The following IQANK1 variants were observed in gnomAD, a reference collection of about 807,000 sequenced individuals.
IQANK1 encodes IQ motif and ankyrin repeat domain-containing protein 1.
Under a neutral mutation model 22.6 loss-of-function variants are expected in IQANK1, and 30 were observed. The observed-to-expected ratio is 1.33, with a 90% CI of 0.99 to 1.80. The LOEUF is 1.80. IQANK1 is among the 40% of genes most tolerant of loss of function. The pLI, the probability that IQANK1 is intolerant of heterozygous loss-of-function variation, is 0.00. For synonymous variants in IQANK1, 122 were observed against 99.6 expected (o/e 1.23, Z -1.34); for missense variants, 275 against 235.2 (o/e 1.17, Z -1.11).
At chr8:143,752,111 G>A (rs533719339) in intron 3 of IQANK1, among the ~76,000 whole-genome samples, 216 of 152,006 alleles carry the variant, frequency 1.4e-3, no homozygotes, top group African/African-American at 4.9e-3. Context: ...GATTATAGGC[G>A]CCTGCCACCA....
At chr8:143,753,492 G>C (rs2098815627) in intron 3 of IQANK1, among the ~76,000 whole-genome samples, 2 of 140,890 alleles carry the variant, frequency 1.4e-5, no homozygotes, top group Admixed American at 1.5e-4. Flanking sequence ...GAGTCTCGCT[G>C]TCTCAGGCTG....
At position 143,790,235 on chromosome 8, in the gene IQANK1, C is replaced by T. The variant is rs1161049061; in HGVS notation, c.1388C>T (p.Pro463Leu). Residue 463 changes from proline (P) to leucine (L), a missense_variant, in exon 13 of 14, where the codon CCG (proline) becomes CTG (leucine). Coordinates refer to ENST00000527139, the MANE Select transcript of IQANK1 (RefSeq NM_001381874.1). ...VDTVNPEPLR[P>L]ETMWLALLGA... The stretch of plus-strand genomic sequence containing the variant: ...ACGGTGAACCCGGAGCCCCTGAGGC[C>T]GGAGACGATGTGGCTGGCTCTGCTG... 9.7e-6 allele frequency: 12 copies of T among 1,232,072 alleles called. No homozygotes were observed. The highest frequency in any genetic ancestry group is 9.5e-5 in the East Asian group (3 of 31,714). The allele number at this position is 1,232,072 out of a possible 1,614,324, so 76.3% of individuals were successfully genotyped here. A position where few individuals can be genotyped will look rare whatever the true frequency, so the allele number is the denominator to read the frequency against.
In IQANK1 at chr8:143,740,048, C is replaced by A. The variant is rs1226675765; in HGVS notation, c.175+100C>A. On this transcript the variant is annotated intron_variant, in intron 3 of 13. Coordinates refer to ENST00000527139, the MANE Select transcript of IQANK1 (RefSeq NM_001381874.1). ...CACGCTCAGTGTGGGCGCGCGCTTG[C>A]GTGTCATGTACACATGTGCTTGTGC... is the stretch of plus-strand genomic sequence containing the variant. The A allele has an allele frequency of 6.7e-5, 40 of 598,906 alleles. No homozygotes were observed. The East Asian group carries it at 1.2e-3, about 17-fold the overall frequency. The allele number at this position is 598,906 out of a possible 1,614,324, so 37.1% of individuals were successfully genotyped here.
At chr8:143,746,703 T>A (rs1819039498) in intron 3 of IQANK1, among the ~76,000 whole-genome samples, 1 of 152,128 alleles carries the variant, frequency 6.6e-6, no homozygotes, top group Non-Finnish European at 1.5e-5. Flanking sequence ...GATGTTTGAT[T>A]ACTGATTTAA....
chr8:143,742,728 A>C (rs7463016), intron 3 of IQANK1: 455,153 of 456,038 alleles, frequency 1, 227,139 homozygotes, highest in East Asian at 1. Flanking sequence ...AGGATACACA[A>C]CCACCCTACC....
rs868928369 is a variant in IQANK1, at chr8:143,790,008, C to T, written c.1233C>T (p.Thr411=). 24 of 1,231,930 alleles carry T rather than the reference C, an allele frequency of 1.9e-5. No homozygotes were observed. The highest frequency in any genetic ancestry group is 8.4e-5 in the Admixed American group (2 of 23,698). The allele number at this position is 1,231,930 out of a possible 1,614,324, so 76.3% of individuals were successfully genotyped here. A position where few individuals can be genotyped will look rare whatever the true frequency, so the allele number is the denominator to read the frequency against. ...EEAPGLKCQV[T]ELHDVLMKDV... ...CGCCTGGGCTGAAGTGCCAGGTCACCGAGCTGCACGATGTGCTGATGAAAG... is the reference window on the plus strand; with the variant it reads ...CGCCTGGGCTGAAGTGCCAGGTCACTGAGCTGCACGATGTGCTGATGAAAG... Residue 411 remains threonine, a synonymous_variant, in exon 12 of 14, where the codon ACC becomes ACT. Transcript: ENST00000527139.
intron 7 of IQANK1, among the ~76,000 whole-genome samples, chr8:143,773,968 G>T (rs1048135928): frequency 1.3e-5 from 2 of 152,164 alleles, no homozygotes; most frequent in African/African-American, 4.8e-5. Context: ...GGGACTGTGT[G>T]TTCACTCCAT....
At chr8:143,743,086 ACCAGCT>A in intron 3 of IQANK1, 1 of 454,980 alleles carries the variant, frequency 2.2e-6, no homozygotes, top group Non-Finnish European at 4.4e-6. Context: ...CACCACATCT[ACCAGCT>A]CTGCAGGGTA....
chr8:143,767,107 T>C (rs1473086245), intron 3 of IQANK1, among the ~76,000 whole-genome samples: 3 of 152,260 alleles, frequency 2.0e-5, no homozygotes, highest in African/African-American at 7.2e-5. Context: ...GAATTCTTCT[T>C]TGAATTATTT....
intron 3 of IQANK1, among the ~76,000 whole-genome samples, chr8:143,749,793 C>G (rs1428323549): frequency 6.7e-6 from 1 of 150,314 alleles, no homozygotes; most frequent in Non-Finnish European, 1.5e-5. Context: ...AAACTCCTGA[C>G]CTCAGGTGAT....
chr8:143,738,810 C>A (rs1361076594), intron 2 of IQANK1, among the ~76,000 whole-genome samples: 1 of 152,228 alleles, frequency 6.6e-6, no homozygotes, highest in Non-Finnish European at 1.5e-5. Context: ...AGGGCCCAGA[C>A]CCTCCCTGGC....
At chr8:143,785,253 C>CTTTT (rs36118052) in intron 7 of IQANK1, among the ~76,000 whole-genome samples, 22 of 92,018 alleles carry the variant, frequency 2.4e-4, no homozygotes, top group African/African-American at 7.7e-4. Context: ...TGTTCTGTAT[C>CTTTT]TTTTTTTTTT....
chr8:143,748,776 A>G (rs1487686127), intron 3 of IQANK1, among the ~76,000 whole-genome samples: 4 of 107,360 alleles, frequency 3.7e-5, no homozygotes, highest in Non-Finnish European at 6.8e-5. Context: ...TAATATATAA[A>G]TATATCATAT....
Position 143,758,995 on chromosome 8 carries a change from G to T in IQANK1, c.176-12493G>T. 5.4e-6 allele frequency: 1 copy of T among 186,402 alleles called. No homozygotes were observed. The highest frequency in any genetic ancestry group is 1.1e-5 in the Non-Finnish European group (1 of 87,478). 11.5% of individuals were successfully genotyped at this position (186,402 alleles called of 1,614,324 possible). On this transcript the variant is annotated intron_variant, in intron 3 of 13. Coordinates refer to ENST00000527139, the MANE Select transcript of IQANK1 (RefSeq NM_001381874.1). The surrounding 1 kb of genome is among the most constrained non-coding windows in gnomAD (Gnocchi z 4.2). ...CACCCGCCATGCCGGGAAGAGCTCG[G>T]GTGGGCTTTCTCCATAGCAATTCTT...
intron 3 of IQANK1, among the ~76,000 whole-genome samples, chr8:143,770,592 G>A (rs1486702913): frequency 6.6e-6 from 1 of 152,222 alleles, no homozygotes; most frequent in Non-Finnish European, 1.5e-5. Flanking sequence ...GGGAATCATA[G>A]TACTTGGCTC....
chr8:143,787,672 C>T (rs974427486), intron 7 of IQANK1, among the ~76,000 whole-genome samples: 5 of 152,152 alleles, frequency 3.3e-5, no homozygotes, highest in Non-Finnish European at 5.9e-5. Context: ...CCCGCTCTTT[C>T]CCCTCATCCT....
intron 7 of IQANK1, among the ~76,000 whole-genome samples, chr8:143,775,334 C>CCA (rs1819661155): frequency 8.9e-6 from 1 of 112,858 alleles, no homozygotes; most frequent in African/African-American, 3.0e-5. Flanking sequence ...GCCAGGCATG[C>CCA]TACACACACA....
At chr8:143,780,509 T>C (rs759984953) in intron 7 of IQANK1, among the ~76,000 whole-genome samples, 5 of 152,122 alleles carry the variant, frequency 3.3e-5, no homozygotes, top group Admixed American at 2.0e-4. Context: ...TAGTATCTGT[T>C]GTTTCCTTCT....
chr8:143,780,363 T>C (rs998522168), intron 7 of IQANK1, among the ~76,000 whole-genome samples: 1 of 152,172 alleles, frequency 6.6e-6, no homozygotes, highest in African/African-American at 2.4e-5. Context: ...TGGGGGTACA[T>C]GTGAAGGTTT....
Sources: gnomAD v4.1 joint callset for allele counts (sites outside exome capture counted in the v4.1 genomes callset) on GRCh38, gnomAD v4.1.1 for gene constraint, Gnocchi (gnomAD v3.1) non-coding constraint, MANE v1.5 for transcripts, NCBI Gene and HGNC (gene_info 2026-07-23, HGNC 2026-07-21) for gene names.